The following PTPRR variants were observed in gnomAD, a reference collection of about 807,000 sequenced individuals.
PTPRR encodes the protein protein tyrosine phosphatase receptor type R.
A neutral mutation model predicts 77.2 loss-of-function variants in PTPRR; 38 were observed. The observed-to-expected ratio is 0.49, with a 90% CI of 0.38 to 0.65. The LOEUF is 0.65. Ranked by LOEUF, PTPRR falls within the 30% of genes least tolerant of loss-of-function variation. The pLI is 0.00. For synonymous variants in PTPRR, 299 were observed against 283.1 expected, an observed-to-expected ratio of 1.06 and a Z score of -0.57; for missense variants, 744 against 799.2, an observed-to-expected ratio of 0.93 and a Z score of 0.83.
chr12:70,675,958 A>G (rs2136709081), intron 10 of PTPRR, among the ~76,000 whole-genome samples: 1 of 151,352 alleles, frequency 6.6e-6, no homozygotes, highest in Non-Finnish European at 1.5e-5. Flanking sequence ...TCAGTTCCAG[A>G]GATGTGTCTA....
At chr12:70,919,673 GTTTTT>G (rs58439089) in intron 1 of PTPRR, among the ~76,000 whole-genome samples, 4 of 110,080 alleles carry the variant, frequency 3.6e-5, no homozygotes, top group Non-Finnish European at 7.6e-5. Context: ...AACTGTAATT[GTTTTT>G]TTTTTTTTTT....
At chr12:70,747,269 G>C (rs757566100) in intron 5 of PTPRR, among the ~76,000 whole-genome samples, 7 of 152,098 alleles carry the variant, frequency 4.6e-5, no homozygotes, top group Non-Finnish European at 7.4e-5. Flanking sequence ...TAGGCTTATT[G>C]TGTTCAGCTA....
At chr12:70,814,006 C>G (rs958782366) in intron 2 of PTPRR, among the ~76,000 whole-genome samples, 2 of 152,110 alleles carry the variant, frequency 1.3e-5, no homozygotes, top group African/African-American at 4.8e-5. Context: ...GCCAGAGTAT[C>G]AAAGCCTTAT....
rs1229938892 is a variant in PTPRR, at chr12:70,673,031, C to CAAA, written c.1498-10429_1498-10427dup. On this transcript the variant is annotated intron_variant, in intron 10 of 13. Coordinates refer to ENST00000283228, the MANE Select transcript of PTPRR (RefSeq NM_002849.4). Reference sequence around the variant, plus strand: ...CTTCAATAAATACGTCGGGCCAAAGCAAAAAAAAAAAAAAAAAAGAAAGAA... The same window carrying CAAA: ...CTTCAATAAATACGTCGGGCCAAAGCAAAAAAAAAAAAAAAAAAAAAGAAAGAA... 2.3e-3 allele frequency: 1,071 copies of CAAA among 457,720 alleles called. 1 individual carries two copies. Among genetic ancestry groups the CAAA allele is most frequent in the Admixed American group, 9.3e-3 (126 of 13,552 alleles). 28.4% of individuals were successfully genotyped at this position (457,720 alleles called of 1,614,324 possible).
At chr12:70,718,519 C>G (rs773474953) in intron 6 of PTPRR, among the ~76,000 whole-genome samples, 19 of 152,124 alleles carry the variant, frequency 1.2e-4, no homozygotes, top group Admixed American at 3.9e-4. Flanking sequence ...CCTGCCTAGC[C>G]TCCCAAAATG....
At chr12:70,788,832 T>A (rs1367898367) in intron 2 of PTPRR, 3 of 1,524,886 alleles carry the variant, frequency 2.0e-6, no homozygotes, top group Non-Finnish European at 1.8e-6. Flanking sequence ...GGAAATTGAC[T>A]GCATGTTGTG....
At chr12:70,806,234 A>C (rs2137025643) in intron 2 of PTPRR, among the ~76,000 whole-genome samples, 1 of 152,250 alleles carries the variant, frequency 6.6e-6, no homozygotes, top group East Asian at 1.9e-4. Context: ...GCAACCTTGA[A>C]CTGGCTCTGA....
intron 2 of PTPRR, among the ~76,000 whole-genome samples, chr12:70,854,016 T>G (rs1892613674): frequency 6.6e-6 from 1 of 152,184 alleles, no homozygotes; most frequent in Non-Finnish European, 1.5e-5. Context: ...TATTACCAGA[T>G]TTAGAATAGT....
intron 2 of PTPRR, among the ~76,000 whole-genome samples, chr12:70,856,072 C>T (rs985201561): frequency 6.6e-6 from 1 of 152,068 alleles, no homozygotes; most frequent in Non-Finnish European, 1.5e-5. Flanking sequence ...AGAAGATATA[C>T]TAACTTTAAA....
intron 10 of PTPRR, chr12:70,672,520 G>A: frequency 7.9e-7 from 1 of 1,263,130 alleles, no homozygotes; most frequent in Non-Finnish European, 1.1e-6. Context: ...GAGACATGAT[G>A]GGAAACAGTG....
intron 6 of PTPRR, among the ~76,000 whole-genome samples, chr12:70,702,767 T>C (rs552913974): frequency 9.8e-5 from 15 of 152,338 alleles, no homozygotes; most frequent in Middle Eastern, 3.4e-3. Context: ...TCTGTAAGTT[T>C]AGACATTTAT....
chr12:70,819,071 G>C (rs762386910), intron 2 of PTPRR, among the ~76,000 whole-genome samples: 1 of 151,948 alleles, frequency 6.6e-6, no homozygotes, highest in African/African-American at 2.4e-5. Context: ...CTGTAATCCC[G>C]GCATTTTGGG....
chr12:70,744,790 A>G (rs1222603907), intron 6 of PTPRR, among the ~76,000 whole-genome samples: 1 of 152,188 alleles, frequency 6.6e-6, no homozygotes, highest in Admixed American at 6.5e-5. Flanking sequence ...CTGGGATATT[A>G]CTTTGAGAAC....
chr12:70,794,063 T>A (rs888725821), intron 2 of PTPRR, among the ~76,000 whole-genome samples: 2 of 152,140 alleles, frequency 1.3e-5, no homozygotes, highest in Middle Eastern at 3.2e-3. Flanking sequence ...TTTAACAAGG[T>A]TTGAAGAAAT....
chr12:70,726,890 A>C (rs1234384517), intron 6 of PTPRR, among the ~76,000 whole-genome samples: 1 of 152,232 alleles, frequency 6.6e-6, no homozygotes, highest in East Asian at 1.9e-4. Context: ...CTGCATTTAC[A>C]AAATGCATTT....
intron 13 of PTPRR, among the ~76,000 whole-genome samples, chr12:70,648,503 C>T (rs945683200): frequency 6.6e-6 from 1 of 152,116 alleles, no homozygotes; most frequent in African/African-American, 2.4e-5. Flanking sequence ...ATACAACAAT[C>T]AGGTGGAGGT....
chr12:70,805,151 C>T (rs971402470), intron 2 of PTPRR, among the ~76,000 whole-genome samples: 8 of 151,924 alleles, frequency 5.3e-5, no homozygotes, highest in African/African-American at 1.9e-4. Context: ...TTTATCTTAG[C>T]ATTGTATAAA....
At chr12:70,868,630 G>A (rs943954412) in intron 2 of PTPRR, among the ~76,000 whole-genome samples, 7 of 152,020 alleles carry the variant, frequency 4.6e-5, no homozygotes, top group African/African-American at 1.4e-4. Context: ...TCAGTGTGGC[G>A]ATTCCTCAGG....
intron 10 of PTPRR, chr12:70,672,733 G>T: frequency 1.3e-6 from 2 of 1,548,100 alleles, no homozygotes; most frequent in East Asian, 5.3e-5. Context: ...TTACCCAGGG[G>T]ATGTCATCCT....
Sources: gnomAD v4.1 joint callset for allele counts (sites outside exome capture counted in the v4.1 genomes callset) on GRCh38, gnomAD v4.1.1 for gene constraint, MANE v1.5 for transcripts, NCBI Gene and HGNC (gene_info 2026-07-23, HGNC 2026-07-21) for gene names.